LOC400499: variants seen among roughly 807,000 people sequenced by gnomAD.
At chr16:11,434,402 A>C in the LOC400499 span, among the ~76,000 whole-genome samples, 1 of 152,242 alleles carries the variant, frequency 6.6e-6, no homozygotes, top group East Asian at 1.9e-4. Flanking sequence ...TGAGCCTGTG[A>C]TTCCAGCTAC....
chr16:11,463,608 G>A, the LOC400499 span, among the ~76,000 whole-genome samples: 4 of 152,148 alleles, frequency 2.6e-5, no homozygotes, highest in Non-Finnish European at 2.9e-5. Context: ...ATGGATGCAT[G>A]TATATGAATG....
chr16:11,461,008 C>T, the LOC400499 span: 1 of 1,536,074 alleles, frequency 6.5e-7, no homozygotes. Flanking sequence ...CCAGAGCTGG[C>T]CCCGTTGCTG....
chr16:11,442,046 T>C, the LOC400499 span: 1 of 152,214 alleles, frequency 6.6e-6, no homozygotes, highest in African/African-American at 2.4e-5. Context: ...CATGTTGCCA[T>C]CTTTTCCTAC....
At chr16:11,438,571 G>A in the LOC400499 span, among the ~76,000 whole-genome samples, 43 of 141,916 alleles carry the variant, frequency 3.0e-4, no homozygotes, top group African/African-American at 1.1e-3. Flanking sequence ...AGGAGCTCAA[G>A]GCCAGCCTGG....
chr16:11,391,811 C>T, the LOC400499 span: 1 of 1,232,288 alleles, frequency 8.1e-7, no homozygotes, highest in Non-Finnish European at 1.0e-6. Flanking sequence ...CCGCCTGGGA[C>T]AGCTGCAGAA....
chr16:11,486,547 A>G, the LOC400499 span, among the ~76,000 whole-genome samples: 1 of 107,528 alleles, frequency 9.3e-6, no homozygotes, highest in Non-Finnish European at 1.8e-5. Context: ...GGGTGGGTGG[A>G]TAGATGATGG....
the LOC400499 span, among the ~76,000 whole-genome samples, chr16:11,483,801 G>A: frequency 1.3e-5 from 2 of 151,812 alleles, no homozygotes; most frequent in African/African-American, 4.8e-5. Flanking sequence ...TTTGAGCCTG[G>A]GGGGCAAAGG....
the LOC400499 span, among the ~76,000 whole-genome samples, chr16:11,513,955 T>C: frequency 8.1e-3 from 1,229 of 152,214 alleles, 18 homozygotes; most frequent in African/African-American, 0.028. Flanking sequence ...GCCTCGCTTG[T>C]TTCTTTCTGT....
At chr16:11,387,604 G>A in the LOC400499 span, among the ~76,000 whole-genome samples, 1 of 151,412 alleles carries the variant, frequency 6.6e-6, no homozygotes, top group Non-Finnish European at 1.5e-5. Flanking sequence ...TTATGTGTGG[G>A]GATGCCGAGG....
At chr16:11,515,873 CCAGCCCAGCCCAGCCCAGCCTAGCCCAG>C in the LOC400499 span, 1 of 39,088 alleles carries the variant, frequency 2.6e-5, no homozygotes, top group Non-Finnish European at 7.2e-5. Context: ...CCAGCCCAGC[CCAGCCCAGCCCAGCCCAGCCTAGCCCAG>C]CCCAGCCCAG....
the LOC400499 span, among the ~76,000 whole-genome samples, chr16:11,520,387 T>C: frequency 2.0e-5 from 3 of 152,202 alleles, no homozygotes. Context: ...CTGGGCATAG[T>C]GGCTCACGCC....
the LOC400499 span, chr16:11,383,649 T>C: frequency 8.1e-7 from 1 of 1,231,870 alleles, no homozygotes; most frequent in Non-Finnish European, 1.0e-6. Context: ...TACCACACTG[T>C]GGAGGAGGGG....
chr16:11,492,762 G>C, the LOC400499 span, among the ~76,000 whole-genome samples: 18 of 150,012 alleles, frequency 1.2e-4, no homozygotes, highest in Non-Finnish European at 2.4e-4. Flanking sequence ...TCCAGCCTGG[G>C]TGACAGAGTG....
chr16:11,501,880 G>A, the LOC400499 span, among the ~76,000 whole-genome samples: 1 of 152,102 alleles, frequency 6.6e-6, no homozygotes. Context: ...GGACCCCGTG[G>A]GAACCTCCAG....
At chr16:11,387,682 T>G in the LOC400499 span, among the ~76,000 whole-genome samples, 1 of 152,074 alleles carries the variant, frequency 6.6e-6, no homozygotes, top group Non-Finnish European at 1.5e-5. Context: ...GGCTGGAGTG[T>G]AGTGGCACAA....
chr16:11,463,131 G>A, the LOC400499 span, among the ~76,000 whole-genome samples: 9 of 152,298 alleles, frequency 5.9e-5, no homozygotes, highest in Admixed American at 3.9e-4. Flanking sequence ...GGAAGACACT[G>A]GCAGATGGGC....
the LOC400499 span, among the ~76,000 whole-genome samples, chr16:11,447,212 G>A: frequency 6.6e-6 from 1 of 152,320 alleles, no homozygotes; most frequent in East Asian, 1.9e-4. Flanking sequence ...ACTGGGATTA[G>A]AATCCAGGCA....
chr16:11,523,408 A>G, the LOC400499 span: 3 of 398,648 alleles, frequency 7.5e-6, no homozygotes, highest in African/African-American at 6.2e-5. Context: ...GCGTCCTGAG[A>G]GAATCACTCA....
At chr16:11,469,647 T>C in the LOC400499 span, 291 of 399,124 alleles carry the variant, frequency 7.3e-4, no homozygotes, top group African/African-American at 5.7e-3. Flanking sequence ...CTGTGGCTTC[T>C]TGGGGGAACC....
Sources: allele counts gnomAD v4.1 joint callset (sites outside exome capture counted in the v4.1 genomes callset), GRCh38; gene constraint gnomAD v4.1.1; transcripts MANE v1.5.